DPY19L2: variants seen among roughly 807,000 people sequenced by gnomAD.
DPY19L2 encodes probable C-mannosyltransferase DPY19L2.
A neutral mutation model predicts 97.9 loss-of-function variants in DPY19L2; 34 were observed. That is an observed-to-expected ratio of 0.35 (90% confidence interval 0.26 to 0.46). The LOEUF (loss-of-function observed/expected upper bound fraction) is 0.46. Ranked by LOEUF, DPY19L2 falls within the 20% of genes least tolerant of loss-of-function variation. The pLI is 1.00. For synonymous variants in DPY19L2, 230 were observed against 307.9 expected (o/e 0.75, Z 2.65); for missense variants, 623 against 911.4 (o/e 0.68, Z 4.07).
chr12:63,661,567 G>GAA (rs77582486), intron 3 of DPY19L2, 86 bp from the exon 4 acceptor site: 95,460 of 626,656 alleles, frequency 0.15, 1,040 homozygotes, highest in East Asian at 0.31. Flanking sequence ...CTTTTTTTCT[G>GAA]AAAAAAAAAA....
At chr12:63,643,843 G>A (rs1486206237) in intron 6 of DPY19L2, among the ~76,000 whole-genome samples, 1 of 152,164 alleles carries the variant, frequency 6.6e-6, no homozygotes, top group Non-Finnish European at 1.5e-5. Flanking sequence ...ACTCAACTTA[G>A]TTTTCATTGG....
intron 14 of DPY19L2, among the ~76,000 whole-genome samples, 156 bp downstream of exon 14, chr12:63,597,653 A>T (rs1168577241): frequency 6.6e-6 from 1 of 151,434 alleles, no homozygotes; most frequent in East Asian, 1.9e-4. Context: ...TTTAACAGAC[A>T]AAAAAAACAA....
chr12:63,594,851 C>G (rs1246659004), intron 15 of DPY19L2, among the ~76,000 whole-genome samples: 1 of 152,132 alleles, frequency 6.6e-6, no homozygotes, highest in Non-Finnish European at 1.5e-5. Flanking sequence ...ATTGGCCCCT[C>G]TAAGTGGAGC....
chr12:63,589,315 CAGAA>C (rs1236802874), intron 16 of DPY19L2, among the ~76,000 whole-genome samples: 4 of 91,900 alleles, frequency 4.4e-5, no homozygotes, highest in Non-Finnish European at 8.4e-5. Context: ...CTATCAGAAC[CAGAA>C]AGAAAGTTTG....
intron 6 of DPY19L2, among the ~76,000 whole-genome samples, chr12:63,634,713 A>C (rs1316792423): frequency 6.6e-6 from 1 of 152,144 alleles, no homozygotes; most frequent in Non-Finnish European, 1.5e-5. Context: ...TCCAACTGCA[A>C]GGCGGCAGTG....
chr12:63,629,175 G>A (rs1368689869), intron 6 of DPY19L2, among the ~76,000 whole-genome samples: 1 of 152,106 alleles, frequency 6.6e-6, no homozygotes, highest in Non-Finnish European at 1.5e-5. Context: ...TCCTCCAAAG[G>A]AACGCAGCTC....
intron 11 of DPY19L2, among the ~76,000 whole-genome samples, chr12:63,610,866 A>AAAAAAAAAAC (rs1886865916): frequency 3.8e-5 from 4 of 104,122 alleles, no homozygotes; most frequent in Admixed American, 2.5e-4. Context: ...AAAAAAAAAA[A>AAAAAAAAAAC]AAAAAAAAAC....
At chr12:63,563,104 C>A (rs1876954511) in intron 21 of DPY19L2, among the ~76,000 whole-genome samples, 1 of 144,416 alleles carries the variant, frequency 6.9e-6, no homozygotes, top group Non-Finnish European at 1.5e-5. Context: ...CCTATTTTGT[C>A]CATTTTTAAT....
intron 6 of DPY19L2, among the ~76,000 whole-genome samples, chr12:63,638,646 G>T (rs542963246): frequency 1.3e-4 from 20 of 152,172 alleles, no homozygotes; most frequent in African/African-American, 4.8e-4. Flanking sequence ...CAACTCACAA[G>T]GGATGCGAAG....
At chr12:63,628,237 C>T (rs1429211055) in intron 6 of DPY19L2, among the ~76,000 whole-genome samples, 8 of 152,136 alleles carry the variant, frequency 5.3e-5, no homozygotes, top group East Asian at 1.9e-4. Context: ...GTGGGTGCAG[C>T]GCACCGAGCA....
chr12:63,582,725 G>C (rs1444036319), intron 17 of DPY19L2, among the ~76,000 whole-genome samples, 200 bp from the exon 18 acceptor site: 1 of 152,162 alleles, frequency 6.6e-6, no homozygotes, highest in Non-Finnish European at 1.5e-5. Context: ...ACAGCAGTGA[G>C]CAATTTCTGT....
chr12:63,625,022 T>G (rs1251119911), intron 7 of DPY19L2, among the ~76,000 whole-genome samples: 1 of 152,160 alleles, frequency 6.6e-6, no homozygotes, highest in Non-Finnish European at 1.5e-5. Context: ...AAATAATATA[T>G]ATAAGGATTT....
intron 20 of DPY19L2, among the ~76,000 whole-genome samples, chr12:63,570,221 T>C (rs1287501525): frequency 2.0e-5 from 3 of 152,186 alleles, no homozygotes; most frequent in African/African-American, 7.2e-5. Flanking sequence ...TAGACATCAA[T>C]GGAAACTAGA....
chr12:63,647,042 A>G (rs193249151), intron 5 of DPY19L2, among the ~76,000 whole-genome samples: 174 of 152,286 alleles, frequency 1.1e-3, no homozygotes, highest in African/African-American at 3.6e-3. Context: ...TAATACTCAA[A>G]TTCCAAAATT....
chr12:63,594,491 G>GTA (rs1216551701), intron 15 of DPY19L2, among the ~76,000 whole-genome samples: 36 of 144,656 alleles, frequency 2.5e-4, no homozygotes, highest in African/African-American at 9.4e-4. Flanking sequence ...GTGTGTGTGT[G>GTA]TATGAAACTT....
At chr12:63,630,712 C>T (rs1270576261) in intron 6 of DPY19L2, among the ~76,000 whole-genome samples, 6 of 151,884 alleles carry the variant, frequency 4.0e-5, no homozygotes, top group South Asian at 2.1e-4. Flanking sequence ...CTGCACCAGG[C>T]GCACCTAATA....
intron 6 of DPY19L2, among the ~76,000 whole-genome samples, chr12:63,634,821 G>A (rs926621412): frequency 2.6e-5 from 4 of 152,160 alleles, no homozygotes; most frequent in Non-Finnish European, 4.4e-5. Flanking sequence ...AGCTCAAGGA[G>A]GCCTGCCTGC....
intron 20 of DPY19L2, 107 bp downstream of exon 20, chr12:63,570,647 TTGTG>T (rs34668144): frequency 0.37 from 210,085 of 561,974 alleles, 28,996 homozygotes; most frequent in East Asian, 0.55. Context: ...GAGGATGAGT[TTGTG>T]TGTGTGTGTG....
Position 63,630,428 on chromosome 12 carries a change from T to C in DPY19L2, c.804-3902A>G, listed in dbSNP as rs536529992. Among the ~76,000 whole-genome samples, 48 of 152,142 alleles carry C rather than the reference T, an allele frequency of 3.2e-4. No individual in the cohort carries two copies. The South Asian group carries it at 9.4e-3, about 30-fold the overall frequency. ...CAGGGGTTGCAATCCTAGTCTCTGATAAAACAGACTTTAAACCAACAAAGA... is the reference window on the plus strand; with the variant it reads ...CAGGGGTTGCAATCCTAGTCTCTGACAAAACAGACTTTAAACCAACAAAGA... On this transcript the variant is annotated intron_variant, in intron 6 of 21. Transcript: ENST00000324472.
Sources: gnomAD v4.1 joint callset for allele counts (sites outside exome capture counted in the v4.1 genomes callset) on GRCh38, gnomAD v4.1.1 for gene constraint, MANE v1.5 for transcripts, NCBI Gene and HGNC (gene_info 2026-07-23, HGNC 2026-07-21) for gene names.